Variants in FBXL13 observed in about 807,000 individuals in gnomAD.
The protein encoded by FBXL13 is F-box and leucine rich repeat protein 13.
A neutral mutation model predicts 83.6 loss-of-function variants in FBXL13; 67 were observed. That is an observed-to-expected ratio of 0.80 (90% CI 0.66 to 0.98). FBXL13 has a LOEUF of 0.98. Ranked by LOEUF, FBXL13 falls within the 50% of genes least tolerant of loss-of-function variation. The pLI, the probability that FBXL13 is intolerant of heterozygous loss-of-function variation, is 0.00. For synonymous variants in FBXL13, 272 were observed against 299.5 expected, an observed-to-expected ratio of 0.91 and a Z score of 0.95; for missense variants, 822 against 866.5, an observed-to-expected ratio of 0.95 and a Z score of 0.64.
intron 1 of FBXL13, among the ~76,000 whole-genome samples, chr7:103,068,318 AG>A (rs1798591609): frequency 6.6e-6 from 1 of 152,222 alleles, no homozygotes; most frequent in Non-Finnish European, 1.5e-5. Context: ...CTGAGACTTT[AG>A]AAAAAGGAGG....
In FBXL13 at chr7:103,055,754, GA is replaced by G. The variant is rs1237952376; in HGVS notation, c.-104-8del. 2.1e-5 allele frequency: 25 copies of G among 1,179,040 alleles called. No individual in the cohort carries two copies. The highest frequency in any genetic ancestry group is 6.0e-5 in the East Asian group (1 of 16,790). 73.0% of individuals were successfully genotyped at this position (1,179,040 alleles called of 1,614,324 possible). A position where few individuals can be genotyped will look rare whatever the true frequency, so the allele number is the denominator to read the frequency against. On this transcript the variant is annotated splice_polypyrimidine_tract_variant and splice_region_variant and intron_variant, in intron 1 of 19. Transcript: ENST00000313221. Reference sequence around the variant, plus strand: ...GTATACCACATAACAGTGCCTAGGGGAAAAAAGGGAAATGGCATCAATGTTT... The same window carrying G: ...GTATACCACATAACAGTGCCTAGGGGAAAAAGGGAAATGGCATCAATGTTT...
At chr7:103,072,226 A>G (rs1211935067) in intron 1 of FBXL13, among the ~76,000 whole-genome samples, 2 of 151,972 alleles carry the variant, frequency 1.3e-5, no homozygotes, top group Non-Finnish European at 2.9e-5. Flanking sequence ...ATTGAGTCAG[A>G]TAAATAAATG....
chr7:103,022,316 A>G (rs1585403902), intron 6 of FBXL13, among the ~76,000 whole-genome samples: 1 of 140,666 alleles, frequency 7.1e-6, no homozygotes, highest in Non-Finnish European at 1.6e-5. Context: ...AACACCACAC[A>G]CCAGGGCCTG....
At chr7:102,866,078 A>G (rs1792317097) in intron 16 of FBXL13, among the ~76,000 whole-genome samples, 1 of 152,198 alleles carries the variant, frequency 6.6e-6, no homozygotes, top group South Asian at 2.1e-4. Context: ...ACAAGTCTAA[A>G]GGAAAGCAAG....
At chr7:102,849,575 T>A (rs140589903) in intron 17 of FBXL13, among the ~76,000 whole-genome samples, 2 of 152,270 alleles carry the variant, frequency 1.3e-5, no homozygotes, top group Non-Finnish European at 2.9e-5. Flanking sequence ...GCATTCTTTA[T>A]AAAGTGCAGA....
intron 1 of FBXL13, among the ~76,000 whole-genome samples, chr7:103,066,858 C>G (rs1050698678): frequency 6.9e-6 from 1 of 145,508 alleles, no homozygotes; most frequent in Non-Finnish European, 1.5e-5. Flanking sequence ...ATGGCGTGAT[C>G]GCAGCTCACC....
At chr7:102,830,764 A>G (rs1417265459) in intron 18 of FBXL13, among the ~76,000 whole-genome samples, 2 of 152,206 alleles carry the variant, frequency 1.3e-5, no homozygotes, top group African/African-American at 2.4e-5. Flanking sequence ...AAAAGCCTTC[A>G]GTGTGTACAA....
intron 10 of FBXL13, among the ~76,000 whole-genome samples, chr7:102,924,191 T>C (rs112580936): frequency 0.035 from 5,344 of 151,148 alleles, 284 homozygotes; most frequent in African/African-American, 0.12. Flanking sequence ...TGAGCTGAGA[T>C]TGCGCCATTG....
chr7:102,941,795 G>A (rs1223181645), intron 8 of FBXL13, among the ~76,000 whole-genome samples: 6 of 151,894 alleles, frequency 4.0e-5, no homozygotes, highest in Non-Finnish European at 7.4e-5. Flanking sequence ...TAAGTTAAAT[G>A]TATTAAAGTA....
intron 17 of FBXL13, among the ~76,000 whole-genome samples, chr7:102,846,484 T>C (rs1051157903): frequency 1.3e-5 from 2 of 152,074 alleles, no homozygotes; most frequent in Admixed American, 6.6e-5. Context: ...CTGAGGATGA[T>C]GGCACATGCC....
Position 102,926,264 on chromosome 7 carries a change from C to T in FBXL13, c.878+10G>A, listed in dbSNP as rs1378881584. The T allele has an allele frequency of 6.2e-7, 1 of 1,610,490 alleles. No individual in the cohort carries two copies. The highest frequency in any genetic ancestry group is 8.5e-7 in the Non-Finnish European group (1 of 1,178,364). On this transcript the variant is annotated intron_variant, in intron 10 of 19. Transcript: ENST00000313221. ...TTTTTTCAGTGTCATACAAATAACA[C>T]AAACATTACCTCGGCAGGAGTCGCA...
intron 8 of FBXL13, among the ~76,000 whole-genome samples, chr7:102,949,262 T>G (rs539951771): frequency 2.0e-5 from 3 of 152,162 alleles, no homozygotes; most frequent in Non-Finnish European, 2.9e-5. Context: ...AAAACATCTC[T>G]GAGAATTTTT....
chr7:102,910,773 A>G (rs528381864), intron 11 of FBXL13, among the ~76,000 whole-genome samples: 1 of 152,306 alleles, frequency 6.6e-6, no homozygotes, highest in Non-Finnish European at 1.5e-5. Context: ...TTACTTAATT[A>G]TTTGAGGCAA....
At chr7:102,853,665 A>G (rs1207123502) in intron 17 of FBXL13, among the ~76,000 whole-genome samples, 2 of 152,092 alleles carry the variant, frequency 1.3e-5, no homozygotes, top group African/African-American at 4.8e-5. Context: ...AACTCAAACA[A>G]ATTTACAAGA....
At chr7:103,068,298 T>C (rs1798589622) in intron 1 of FBXL13, among the ~76,000 whole-genome samples, 1 of 152,112 alleles carries the variant, frequency 6.6e-6, no homozygotes, top group Non-Finnish European at 1.5e-5. Flanking sequence ...TGTTATGAAC[T>C]ACAAAGAAGC....
intron 11 of FBXL13, among the ~76,000 whole-genome samples, chr7:102,903,155 T>C (rs1297869722): frequency 6.6e-6 from 1 of 152,088 alleles, no homozygotes; most frequent in Non-Finnish European, 1.5e-5. Flanking sequence ...GGTTAATTCC[T>C]AGTTATTTAA....
At chr7:102,957,529 A>T (rs1824477861) in intron 8 of FBXL13, among the ~76,000 whole-genome samples, 1 of 152,228 alleles carries the variant, frequency 6.6e-6, no homozygotes, top group Non-Finnish European at 1.5e-5. Context: ...GCCAAAATTG[A>T]CAAATGGGAT....
intron 2 of FBXL13, among the ~76,000 whole-genome samples, chr7:103,048,672 T>C (rs1289290270): frequency 6.6e-6 from 1 of 152,208 alleles, no homozygotes. Flanking sequence ...AAGAAAACCC[T>C]ATTATGCTTT....
intron 6 of FBXL13, among the ~76,000 whole-genome samples, chr7:102,982,481 G>A (rs1173042871): frequency 3.9e-5 from 6 of 152,028 alleles, no homozygotes; most frequent in Non-Finnish European, 7.3e-5. Context: ...CTCTCCCATC[G>A]TTGGCACTGG....
Sources: gnomAD v4.1 joint callset for allele counts (sites outside exome capture counted in the v4.1 genomes callset) on GRCh38, gnomAD v4.1.1 for gene constraint, MANE v1.5 for transcripts, NCBI Gene and HGNC (gene_info 2026-07-23, HGNC 2026-07-21) for gene names.